Variants in PDE9A observed in about 807,000 individuals in gnomAD.
PDE9A encodes the protein phosphodiesterase 9A.
PDE9A carries 60 observed loss-of-function variants against 87.4 expected under a neutral mutation model. The observed-to-expected ratio is 0.69, with a 90% CI of 0.56 to 0.85. PDE9A has a LOEUF of 0.85. Among genes scored for constraint, PDE9A ranks in the 40% least tolerant of loss-of-function variants. The probability of loss-of-function intolerance (pLI) is 0.00; values close to 1 mark genes in which losing one functional copy is unlikely to be tolerated. For synonymous variants in PDE9A, 272 were observed against 279.4 expected, an observed-to-expected ratio of 0.97 and a Z score of 0.27; for missense variants, 665 against 779.0, an observed-to-expected ratio of 0.85 and a Z score of 1.74.
At chr21:42,720,648 G>A (rs373344903) in intron 4 of PDE9A, among the ~76,000 whole-genome samples, 3 of 152,304 alleles carry the variant, frequency 2.0e-5, no homozygotes, top group African/African-American at 7.2e-5. Context: ...AGTAGGGCAG[G>A]TCGGGCTTGA....
At chr21:42,666,790 G>A (rs1051653055) in intron 1 of PDE9A, among the ~76,000 whole-genome samples, 10 of 152,192 alleles carry the variant, frequency 6.6e-5, no homozygotes. Context: ...GAATTTTGAC[G>A]GGACACAGTT....
In PDE9A at chr21:42,686,193, T is replaced by G; in HGVS notation, c.71T>G (p.Val24Gly). 1 of 1,613,516 alleles carries G rather than the reference T, an allele frequency of 6.2e-7. No individual in the cohort carries two copies. The change falls in exon 2 of 20, where the codon GTA becomes GGA. Residue 24 changes from valine (V) to glycine (G), a missense_variant and splice_region_variant. Val to Gly is a moderately radical substitution (Grantham distance 109). Transcript: ENST00000291539. ...CCTCACCGCGCTTCTGTTTTGCAGGTAATCTTCAGCAAGTACTGCAACTCC... is the reference window on the plus strand; with the variant it reads ...CCTCACCGCGCTTCTGTTTTGCAGGGAATCTTCAGCAAGTACTGCAACTCC... ...YLDIDGRIQK[V>G]IFSKYCNSSD...
At chr21:42,732,028 C>G (rs71320554) in intron 5 of PDE9A, 42 bp from the exon 6 acceptor site, 1 of 1,613,164 alleles carries the variant, frequency 6.2e-7, no homozygotes, top group Non-Finnish European at 8.5e-7. Context: ...ACATCTTTTC[C>G]TCTTGTCCGT....
intron 3 of PDE9A, among the ~76,000 whole-genome samples, chr21:42,693,488 C>T (rs1167213527): frequency 2.6e-5 from 4 of 151,094 alleles, no homozygotes; most frequent in Non-Finnish European, 5.9e-5. Flanking sequence ...TTAGTAGAGA[C>T]GGGATGTTAG....
chr21:42,714,938 C>CAG (rs1279433967), intron 4 of PDE9A, among the ~76,000 whole-genome samples: 6 of 150,734 alleles, frequency 4.0e-5, no homozygotes, highest in African/African-American at 1.2e-4. Context: ...TTAGCTCTAC[C>CAG]TGTCTTTGTT....
intron 1 of PDE9A, among the ~76,000 whole-genome samples, chr21:42,654,712 C>T (rs1459880817): frequency 1.3e-5 from 2 of 152,340 alleles, no homozygotes; most frequent in East Asian, 1.9e-4. Context: ...CCCAGCCAGG[C>T]ACAGAGCAGG....
intron 17 of PDE9A, 63 bp from the exon 18 acceptor site, chr21:42,770,640 C>G (rs538462154): frequency 7.5e-7 from 1 of 1,325,492 alleles, no homozygotes; most frequent in East Asian, 2.3e-5. Flanking sequence ...ACCTGTTTTT[C>G]TCCGACGTTT....
At chr21:42,666,904 A>T (rs1446788237) in intron 1 of PDE9A, among the ~76,000 whole-genome samples, 5 of 152,196 alleles carry the variant, frequency 3.3e-5, no homozygotes, top group African/African-American at 1.2e-4. Context: ...CCAGAACGAC[A>T]TTGGGTCACC....
Position 42,689,004 on chromosome 21 carries a change from G to A in PDE9A, c.218+1010G>A, listed in dbSNP as rs191090437. ...TGGCCAGAGCCGTCCCCCTCAGTGA[G>A]CGCTCAGTAGACATGGCCAGTGCCG... On this transcript the variant is annotated intron_variant, in intron 3 of 19. Transcript: ENST00000291539. 2.5e-3 allele frequency among the ~76,000 whole-genome samples: 381 copies of A among 151,720 alleles called. 3 individuals are homozygous for A. Among genetic ancestry groups the A allele is most frequent in the Admixed American group, 7.7e-3 (117 of 15,266 alleles).
chr21:42,681,044 A>G (rs1569137527), intron 1 of PDE9A, among the ~76,000 whole-genome samples: 1 of 152,254 alleles, frequency 6.6e-6, no homozygotes, highest in Admixed American at 6.5e-5. Flanking sequence ...CTGAAATGAT[A>G]CAAACTTGAA....
At position 42,705,540 on chromosome 21, in the gene PDE9A, G is replaced by A. The variant is rs1363820588; in HGVS notation, c.262+6529G>A. ...AGGGCCTCCCTCAGCGTGGCAGATC[G>A]CGTGGGTCCATGGGTCCGTGTGATC... On this transcript the variant is annotated intron_variant, in intron 4 of 19. Transcript: ENST00000291539. This position sits in a 1 kb window ranked among gnomAD's most constrained non-coding sequence, Gnocchi z 4.3. 3.3e-5 allele frequency among the ~76,000 whole-genome samples: 5 copies of A among 152,096 alleles called. No individual in the cohort carries two copies. Among genetic ancestry groups the A allele is most frequent in the South Asian group, 2.1e-4 (1 of 4,818 alleles).
In PDE9A at chr21:42,759,284, C is replaced by T. The variant is rs980295946; in HGVS notation, c.897+199C>T. Among the ~76,000 whole-genome samples the T allele has an allele frequency of 3.9e-5, 6 of 152,116 alleles. No homozygotes were observed. The highest frequency in any genetic ancestry group is 6.6e-5 in the Admixed American group (1 of 15,262). On this transcript the variant is annotated intron_variant, in intron 11 of 19. Transcript: ENST00000291539. The surrounding 1 kb of genome is among the most constrained non-coding windows in gnomAD (Gnocchi z 7.2). Reference sequence around the variant, plus strand: ...CTTCCACCAAAACCTTCTTTACGCCCGAGCTACTCCTGCTCTGATAAGCAA... The same window carrying T: ...CTTCCACCAAAACCTTCTTTACGCCTGAGCTACTCCTGCTCTGATAAGCAA...
chr21:42,662,986 AACAC>A lies in PDE9A; in HGVS notation c.69+9108_69+9111del, dbSNP rs1049944204. 1.4e-4 allele frequency among the ~76,000 whole-genome samples: 16 copies of A among 117,104 alleles called. No homozygotes were observed. In the South Asian group the frequency reaches 1.4e-3, roughly 10 times the overall value. The allele number at this position is 117,104 out of a possible 152,430, so 76.8% of individuals were successfully genotyped here. A position where few individuals can be genotyped will look rare whatever the true frequency, so the allele number is the denominator to read the frequency against. On this transcript the variant is annotated intron_variant, in intron 1 of 19. Coordinates refer to ENST00000291539, the MANE Select transcript of PDE9A (RefSeq NM_002606.3). The stretch of plus-strand genomic sequence containing the variant: ...ACACGCCACGCGCCTCACACACAAG[AACAC>A]ACACCACACACACGCACACCACACA...
rs1323129309 is a variant in PDE9A at position 42,770,417 on chromosome 21, GC to G, written c.1591-282del. 2.6e-5 allele frequency among the ~76,000 whole-genome samples: 4 copies of G among 152,162 alleles called. No homozygotes were observed. In the East Asian group the frequency reaches 7.7e-4, roughly 29 times the overall value. ...GGGAGGCTGTCAGCTCCTTTCCCCT[GC>G]CCCGTGTCTTTGTAAGAACCTCCCA... is the stretch of plus-strand genomic sequence containing the variant. On this transcript the variant is annotated intron_variant, in intron 17 of 19. Transcript: ENST00000291539.
chr21:42,767,524 C>T (rs907004292), intron 15 of PDE9A, among the ~76,000 whole-genome samples: 1 of 152,238 alleles, frequency 6.6e-6, no homozygotes, highest in Admixed American at 6.5e-5. Context: ...AAGCATCATG[C>T]AGACTCCGAG....
intron 9 of PDE9A, 84 bp downstream of exon 9, chr21:42,751,281 G>A (rs781284715): frequency 2.0e-6 from 2 of 984,858 alleles, no homozygotes; most frequent in Non-Finnish European, 3.3e-6. Context: ...GCCAGACCCT[G>A]CTGTGTGTAC....
chr21:42,770,791 T>G lies in PDE9A; in HGVS notation c.1679T>G (p.Met560Arg), dbSNP rs75225742. 16,092 of 1,612,806 alleles carry G rather than the reference T, an allele frequency of 1.0e-2. 97 individuals are homozygous for G. The highest frequency in any genetic ancestry group is 0.014 in the Middle Eastern group (86 of 6,058). Residue 560 changes from methionine to arginine, a missense_variant, in exon 18 of 20, where the codon ATG becomes AGG. Coordinates refer to ENST00000291539, the MANE Select transcript of PDE9A (RefSeq NM_002606.3). ...YEELKRIDDA[M>R]KELQKKTDSL... is the part of the protein sequence containing the mutation. Reference sequence around the variant, plus strand: ...GAGCTGAAGCGGATAGATGACGCCATGAAAGAGGTAAAACACACTGAGAAG... The same window carrying G: ...GAGCTGAAGCGGATAGATGACGCCAGGAAAGAGGTAAAACACACTGAGAAG...
chr21:42,670,541 C>T (rs953408857), intron 1 of PDE9A, among the ~76,000 whole-genome samples: 1 of 151,630 alleles, frequency 6.6e-6, no homozygotes, highest in Non-Finnish European at 1.5e-5. Flanking sequence ...TTCACACTCA[C>T]GTACACTTAC....
intron 17 of PDE9A, among the ~76,000 whole-genome samples, chr21:42,769,484 AT>A (rs2056751268): frequency 2.1e-4 from 2 of 9,330 alleles, no homozygotes; most frequent in Admixed American, 6.7e-4. Flanking sequence ...GCAGGTACAC[AT>A]GCACACAAGG....
Sources: gnomAD v4.1 joint callset for allele counts (sites outside exome capture counted in the v4.1 genomes callset) on GRCh38, gnomAD v4.1.1 for gene constraint, Gnocchi (gnomAD v3.1) non-coding constraint, MANE v1.5 for transcripts, NCBI Gene and HGNC (gene_info 2026-07-23, HGNC 2026-07-21) for gene names.